The following CES5A variants were observed in gnomAD, a reference collection of about 807,000 sequenced individuals.
CES5A encodes carboxylesterase 5.
Under a neutral mutation model 62.9 loss-of-function variants are expected in CES5A, and 67 were observed. The ratio of observed to expected loss-of-function variants is 1.07; its 90% CI spans 0.88 to 1.31. The LOEUF (loss-of-function observed/expected upper bound fraction) is 1.31, where lower values mean the gene tolerates loss of function less well. CES5A is among the 50% of genes most tolerant of loss of function. The probability of loss-of-function intolerance (pLI) is 0.00; values close to 1 mark genes in which losing one functional copy is unlikely to be tolerated. For missense variants in CES5A, 748 were observed against 708.5 expected, an observed-to-expected ratio of 1.06 and a Z score of -0.63; for synonymous variants, 296 against 280.8, an observed-to-expected ratio of 1.05 and a Z score of -0.54.
chr16:55,853,482 A>G (rs1339789717), intron 9 of CES5A, among the ~76,000 whole-genome samples: 2 of 152,236 alleles, frequency 1.3e-5, no homozygotes, highest in Admixed American at 1.3e-4. Context: ...CTCTGTGACT[A>G]CACGGGCAGA....
chr16:55,871,492 A>G lies in CES5A; in HGVS notation c.417+133T>C. On this transcript the variant is annotated intron_variant, in intron 3 of 12. Transcript: ENST00000290567. The stretch of plus-strand genomic sequence containing the variant: ...TCTATCATTCAAATGATTTTTAAAA[A>G]TTGTTGATGTGATTACATTTCCCTT... 4.1e-6 allele frequency: 4 copies of G among 964,120 alleles called. No individual in the cohort carries two copies. The South Asian group carries it at 6.8e-5, about 16-fold the overall frequency. 59.7% of individuals were successfully genotyped at this position (964,120 alleles called of 1,614,324 possible). A position where few individuals can be genotyped will look rare whatever the true frequency, so the allele number is the denominator to read the frequency against.
At chr16:55,886,719 C>G (rs1226475099) in intron 1 of CES5A, among the ~76,000 whole-genome samples, 1 of 152,128 alleles carries the variant, frequency 6.6e-6, no homozygotes, top group African/African-American at 2.4e-5. Flanking sequence ...CATGGGGAGA[C>G]ATGGTGACTC....
chr16:55,897,517 T>C (rs1201133545), intron 1 of CES5A, among the ~76,000 whole-genome samples: 5 of 152,176 alleles, frequency 3.3e-5, no homozygotes, highest in Admixed American at 6.5e-5. Context: ...GGATCAGTCC[T>C]ATGGAAGCCA....
chr16:55,906,528 G>T (rs6416767), intron 1 of CES5A, among the ~76,000 whole-genome samples: 35,456 of 152,170 alleles, frequency 0.23, 5,220 homozygotes, highest in Non-Finnish European at 0.32. Flanking sequence ...TGACAATGTA[G>T]TTCCTTCATG....
intron 11 of CES5A, among the ~76,000 whole-genome samples, chr16:55,847,526 C>T (rs1350176433): frequency 6.6e-6 from 1 of 152,150 alleles, no homozygotes; most frequent in African/African-American, 2.4e-5. Flanking sequence ...CATCTCTTCC[C>T]TGCAGATGCC....
chr16:55,877,500 C>T (rs955512452), upstream of CES5A, among the ~76,000 whole-genome samples: 1 of 150,336 alleles, frequency 6.7e-6, no homozygotes, highest in African/African-American at 2.5e-5. Flanking sequence ...TGCTATAATA[C>T]CACCAAAGTC....
chr16:55,890,449 A>C (rs1432149636), intron 1 of CES5A, among the ~76,000 whole-genome samples: 1 of 152,130 alleles, frequency 6.6e-6, no homozygotes, highest in African/African-American at 2.4e-5. Flanking sequence ...CAAGCATTTT[A>C]GGTTCAATCA....
intron 8 of CES5A, among the ~76,000 whole-genome samples, chr16:55,857,677 A>T (rs1452632661): frequency 2.0e-5 from 3 of 152,230 alleles, no homozygotes; most frequent in African/African-American, 2.4e-5. Context: ...TTCACATGGA[A>T]TTTCAGCACC....
At chr16:55,891,909 C>G (rs1178297148) in intron 1 of CES5A, among the ~76,000 whole-genome samples, 1 of 152,154 alleles carries the variant, frequency 6.6e-6, no homozygotes, top group Admixed American at 6.5e-5. Flanking sequence ...AAACATGTTT[C>G]TTTGCCATAT....
chr16:55,955,858 A>G (rs1302178276), exon 1 of CES5A: 2 of 1,535,940 alleles, frequency 1.3e-6, no homozygotes, highest in Non-Finnish European at 1.7e-6. Flanking sequence ...AGGCCATGGC[A>G]TGAAGCAGGG....
In CES5A at chr16:55,863,429, G is replaced by A; in HGVS notation, c.729C>T (p.Gly243=). ...TCTCCATGATGGCTTTGTGGAATAA[G>A]CCTTTGGCCATGGGAGACAGTATCT... is the stretch of plus-strand genomic sequence containing the variant. ...SSLILSPMAK[G]LFHKAIMESG... The change falls in exon 6 of 13, where the codon GGC becomes GGT. Residue 243 remains glycine, a synonymous_variant. Transcript: ENST00000290567. 1 of 1,603,944 alleles carries A rather than the reference G, an allele frequency of 6.2e-7. No homozygotes were observed. Among genetic ancestry groups the A allele is most frequent in the Non-Finnish European group, 8.5e-7 (1 of 1,172,108 alleles).
intron 1 of CES5A, among the ~76,000 whole-genome samples, chr16:55,905,111 T>C (rs1212894699): frequency 6.6e-6 from 1 of 152,202 alleles, no homozygotes; most frequent in Non-Finnish European, 1.5e-5. Flanking sequence ...CCAAACAGGT[T>C]GCTAAATGTG....
chr16:55,953,578 G>A (rs117351679), intron 1 of CES5A, among the ~76,000 whole-genome samples: 1,705 of 152,142 alleles, frequency 0.011, 49 homozygotes, highest in East Asian at 0.094. Flanking sequence ...AATACCTCAG[G>A]CAAATTTCAT....
At chr16:55,948,064 A>AT (rs1335944691) in intron 2 of CES5A, among the ~76,000 whole-genome samples, 2 of 152,190 alleles carry the variant, frequency 1.3e-5, no homozygotes, top group African/African-American at 4.8e-5. Context: ...CCAAAAAAAA[A>AT]GAAAAAAGAA....
At chr16:55,879,247 C>T (rs1279130073), upstream of CES5A, among the ~76,000 whole-genome samples, 3 of 148,210 alleles carry the variant, frequency 2.0e-5, no homozygotes, top group African/African-American at 7.5e-5. Context: ...CTGCACCCTA[C>T]CACTGTACCC....
At position 55,846,207 on chromosome 16, in the gene CES5A, CAACT is replaced by C; in HGVS notation, c.*240_*243del. ...ATGAGTTACAAAACCATTATTATGA[CAACT>C]AATAGGCCAGCCCTCTTCCAAATTT... On this transcript the variant is annotated 3_prime_UTR_variant, in exon 13 of 13. Coordinates refer to ENST00000290567, the MANE Select transcript of CES5A (RefSeq NM_001143685.2). 1.8e-6 allele frequency: 1 copy of C among 549,544 alleles called. No homozygotes were observed. The highest frequency in any genetic ancestry group is 3.2e-6 in the Non-Finnish European group (1 of 310,516). The allele number at this position is 549,544 out of a possible 1,614,324, so 34.0% of individuals were successfully genotyped here. A position where few individuals can be genotyped will look rare whatever the true frequency, so the allele number is the denominator to read the frequency against.
Position 55,900,203 on chromosome 16 carries a change from C to T in CES5A, c.-256+25120G>A, listed in dbSNP as rs191367805. Among the ~76,000 whole-genome samples the T allele has an allele frequency of 2.6e-5, 4 of 152,278 alleles. No homozygotes were observed. The East Asian group carries it at 7.7e-4, about 29-fold the overall frequency. ...TCTTTCTCACTTACTGCTGTCATGC[C>T]CTGCCCCAGGAGAAGTTTCCCAGAG... On this transcript the variant is annotated intron_variant, in intron 1 of 12. Coordinates refer to the CES5A transcript ENST00000518005.
rs558423261 is a variant in CES5A at position 55,953,577 on chromosome 16, G to A, written c.42+2267C>T. On this transcript the variant is annotated intron_variant, in intron 1 of 13. Transcript: ENST00000521992. ...AAAAAAAAACCTGAAAAATACCTCA[G>A]GCAAATTTCATAAGAAATGTCAGCA... 3.3e-5 allele frequency among the ~76,000 whole-genome samples: 5 copies of A among 152,122 alleles called. No individual in the cohort carries two copies. The East Asian group carries it at 7.7e-4, about 23-fold the overall frequency.
At chr16:55,919,110 C>G (rs1597149922) in intron 1 of CES5A, among the ~76,000 whole-genome samples, 1 of 152,228 alleles carries the variant, frequency 6.6e-6, no homozygotes. Context: ...CACATAGAGT[C>G]AGTCACAGAA....
Sources: allele counts gnomAD v4.1 joint callset (sites outside exome capture counted in the v4.1 genomes callset), GRCh38; gene constraint gnomAD v4.1.1; transcripts MANE v1.5; gene names NCBI Gene and HGNC (gene_info 2026-07-23, HGNC 2026-07-21).